TICAM2: variants seen among roughly 807,000 people sequenced by gnomAD.
TICAM2 encodes TIR domain containing adaptor molecule 2, also known as TIR domain-containing adapter molecule 2.
TICAM2 carries 8 observed loss-of-function variants against 7.3 expected under a neutral mutation model. The ratio of observed to expected loss-of-function variants is 1.10; its 90% CI spans 0.65 to 1.99. TICAM2 has a LOEUF of 1.99. Ranked by LOEUF, TICAM2 falls within the 30% of genes most tolerant of loss-of-function variation. TICAM2 has a pLI of 0.00. For synonymous variants in TICAM2, 113 were observed against 99.6 expected (o/e 1.13, Z -0.80); for missense variants, 304 against 278.8 (o/e 1.09, Z -0.65).
intron 1 of TICAM2, among the ~76,000 whole-genome samples, chr5:115,600,390 T>C (rs1034912564): frequency 4.6e-5 from 7 of 152,192 alleles, no homozygotes; most frequent in African/African-American, 1.7e-4. Flanking sequence ...CTGATAGATA[T>C]TATTTATAGC....
At chr5:115,597,578 A>G (rs1008785644) in intron 1 of TICAM2, among the ~76,000 whole-genome samples, 15 of 152,244 alleles carry the variant, frequency 9.9e-5, no homozygotes, top group African/African-American at 3.4e-4. Flanking sequence ...GTAATTAAAG[A>G]AAAGGAACTG....
At chr5:115,596,808 A>C (rs921617048) in intron 1 of TICAM2, among the ~76,000 whole-genome samples, 1 of 152,062 alleles carries the variant, frequency 6.6e-6, no homozygotes, top group Admixed American at 6.5e-5. Flanking sequence ...AGTCCCAGCT[A>C]CTCGGGAGGC....
chr5:115,595,447 C>A lies in TICAM2; in HGVS notation c.-60+6650G>T, dbSNP rs73782711. 2.9e-3 allele frequency among the ~76,000 whole-genome samples: 439 copies of A among 152,250 alleles called. 1 individual carries two copies. Among genetic ancestry groups the A allele is most frequent in the African/African-American group, 0.01 (422 of 41,564 alleles). On this transcript the variant is annotated intron_variant, in intron 1 of 1. Transcript: ENST00000427199. Reference sequence around the variant, plus strand: ...CTTTTCCCATTCTCTCCATTCCCTGCCTATGCTTTAGTTCAAGACCTATAT... The same window carrying A: ...CTTTTCCCATTCTCTCCATTCCCTGACTATGCTTTAGTTCAAGACCTATAT...
In TICAM2 at chr5:115,579,112, A is replaced by AT. The variant is rs899038847; in HGVS notation, c.*1436dup. Reference sequence around the variant, plus strand: ...TAAGAAAGCCTGAGTAAGCATGTATATTTTTTTCCTGTGACTTTAAGTGTA... The same window carrying AT: ...TAAGAAAGCCTGAGTAAGCATGTATATTTTTTTTCCTGTGACTTTAAGTGTA... On this transcript the variant is annotated 3_prime_UTR_variant, in exon 2 of 2. Coordinates refer to ENST00000427199, the MANE Select transcript of TICAM2 (RefSeq NM_021649.7). The AT allele has an allele frequency of 2.0e-5, 3 of 152,586 alleles. No homozygotes were observed. The highest frequency in any genetic ancestry group is 2.9e-5 in the Non-Finnish European group (2 of 68,012). 9.5% of individuals were successfully genotyped at this position (152,586 alleles called of 1,614,324 possible).
chr5:115,584,756 C>T (rs1205404758), intron 1 of TICAM2, among the ~76,000 whole-genome samples: 1 of 152,082 alleles, frequency 6.6e-6, no homozygotes, highest in African/African-American at 2.4e-5. Flanking sequence ...TGTGAAGAAA[C>T]ATAATCAATC....
intron 1 of TICAM2, among the ~76,000 whole-genome samples, chr5:115,591,225 T>C (rs534392038): frequency 7.9e-5 from 12 of 152,342 alleles, no homozygotes; most frequent in African/African-American, 2.6e-4. Flanking sequence ...TTGCCCCTCA[T>C]GGTTAATGAG....
intron 1 of TICAM2, chr5:115,581,604 A>G (rs1236817297): frequency 3.0e-6 from 1 of 331,892 alleles, no homozygotes; most frequent in East Asian, 6.0e-5. Flanking sequence ...AGATTGAAAT[A>G]AATTACGTTG....
chr5:115,586,950 G>A (rs1371988968), intron 1 of TICAM2, among the ~76,000 whole-genome samples: 3 of 152,090 alleles, frequency 2.0e-5, no homozygotes, highest in Admixed American at 6.5e-5. Flanking sequence ...TCTGCAGCAC[G>A]GGACGCTTCA....
chr5:115,592,614 T>A (rs1755350219), intron 1 of TICAM2, among the ~76,000 whole-genome samples: 1 of 151,740 alleles, frequency 6.6e-6, no homozygotes, highest in African/African-American at 2.4e-5. Flanking sequence ...AACTAGAAGA[T>A]TAAAAAAGAG....
intron 1 of TICAM2, among the ~76,000 whole-genome samples, chr5:115,584,003 T>C (rs1344748182): frequency 6.6e-6 from 1 of 152,218 alleles, no homozygotes; most frequent in Non-Finnish European, 1.5e-5. Context: ...TTAAAATGTG[T>C]ATGTATATAC....
chr5:115,593,205 G>C (rs1341314614), intron 1 of TICAM2, among the ~76,000 whole-genome samples: 1 of 152,014 alleles, frequency 6.6e-6, no homozygotes, highest in Non-Finnish European at 1.5e-5. Flanking sequence ...AAAATATTTT[G>C]ATAAAATTCA....
chr5:115,599,539 G>T (rs974027187), intron 1 of TICAM2, among the ~76,000 whole-genome samples: 1 of 152,292 alleles, frequency 6.6e-6, no homozygotes, highest in Admixed American at 6.5e-5. Flanking sequence ...ATGTTTTAAA[G>T]GTTCCATAAG....
At chr5:115,581,530 A>C (rs1240519471) in intron 1 of TICAM2, among the ~76,000 whole-genome samples, 12 of 152,252 alleles carry the variant, frequency 7.9e-5, no homozygotes. Flanking sequence ...TAAAGGGTCC[A>C]GTTTAATATA....
chr5:115,580,648 A>G lies in TICAM2; in HGVS notation c.609T>C (p.Pro203=). The part of the protein sequence containing the change: ...NALEEESRGF[P]TQVERIFQES... ...CCTGAAAAATTCTTTCTACTTGTGT[A>G]GGAAATCCACGACTTTCTTCCTCTA... Residue 203 remains proline (P), a synonymous_variant, in exon 2 of 2, where the codon CCT becomes CCC. Coordinates refer to ENST00000427199, the MANE Select transcript of TICAM2 (RefSeq NM_021649.7). 2 of 1,581,748 alleles carry G rather than the reference A, an allele frequency of 1.3e-6. No homozygotes were observed. The highest frequency in any genetic ancestry group is 1.7e-6 in the Non-Finnish European group (2 of 1,169,034).
chr5:115,597,307 A>C (rs1755546179), intron 1 of TICAM2, among the ~76,000 whole-genome samples: 1 of 152,158 alleles, frequency 6.6e-6, no homozygotes, highest in Non-Finnish European at 1.5e-5. Context: ...CATGCAATCT[A>C]TGGAGATATT....
At chr5:115,595,147 G>A (rs1179881691) in intron 1 of TICAM2, among the ~76,000 whole-genome samples, 2 of 152,042 alleles carry the variant, frequency 1.3e-5, no homozygotes, top group Non-Finnish European at 2.9e-5. Context: ...ATAGTACCTG[G>A]GCCATAATAG....
chr5:115,581,173 TC>T lies in TICAM2; in HGVS notation c.83del (p.Gly28AspfsTer55). On this transcript the variant is annotated frameshift_variant, in exon 2 of 2. Coordinates refer to ENST00000427199, the MANE Select transcript of TICAM2 (RefSeq NM_021649.7). LOFTEE classifies it low-confidence loss of function (END_TRUNC). ...GKRHSVDTSPGYHESDSKKSE... is the reference protein window; with the variant it reads ...GKRHSVDTSPXYHESDSKKSE... ...ACTTCTTGGAATCTGACTCATGATATCCTGGACTTGTATCCACACTGTGCCT... is the reference window on the plus strand; with the variant it reads ...ACTTCTTGGAATCTGACTCATGATATCTGGACTTGTATCCACACTGTGCCT... 6.2e-7 allele frequency: 1 copy of T among 1,613,862 alleles called. No homozygotes were observed. Among genetic ancestry groups the T allele is most frequent in the South Asian group, 1.1e-5 (1 of 91,014 alleles).
At chr5:115,586,415 T>C (rs1191753194) in intron 1 of TICAM2, among the ~76,000 whole-genome samples, 1 of 96,854 alleles carries the variant, frequency 1.0e-5, no homozygotes, top group Non-Finnish European at 2.0e-5. Context: ...AGGTAGAGTG[T>C]TGGAAAAAAA....
chr5:115,590,260 T>C (rs1269120865), intron 1 of TICAM2, among the ~76,000 whole-genome samples: 3 of 152,116 alleles, frequency 2.0e-5, no homozygotes, highest in Admixed American at 6.6e-5. Context: ...CAGTGAGCCA[T>C]GATTGCACCA....
Sources: allele counts gnomAD v4.1 joint callset (sites outside exome capture counted in the v4.1 genomes callset), GRCh38; gene constraint gnomAD v4.1.1; transcripts MANE v1.5; gene names NCBI Gene and HGNC (gene_info 2026-07-23, HGNC 2026-07-21).